The following CRACR2A variants were observed in gnomAD, a reference collection of about 807,000 sequenced individuals.
CRACR2A encodes the protein EF-hand calcium-binding domain-containing protein 4B.
A neutral mutation model predicts 90.5 loss-of-function variants in CRACR2A; 79 were observed. The ratio of observed to expected loss-of-function variants is 0.87; its 90% confidence interval spans 0.73 to 1.05. The LOEUF (loss-of-function observed/expected upper bound fraction) is 1.05, where lower values mean the gene tolerates loss of function less well. Ranked by LOEUF, CRACR2A falls within the 50% of genes least tolerant of loss-of-function variation. The probability of loss-of-function intolerance (pLI) is 0.00; values close to 1 mark genes in which losing one functional copy is unlikely to be tolerated. For missense variants in CRACR2A, 823 were observed against 897.2 expected, an observed-to-expected ratio of 0.92 and a Z score of 1.06; for synonymous variants, 338 against 356.7, an observed-to-expected ratio of 0.95 and a Z score of 0.59.
At chr12:3,684,297 G>GT (rs1945514577) in intron 4 of CRACR2A, among the ~76,000 whole-genome samples, 1 of 152,182 alleles carries the variant, frequency 6.6e-6, no homozygotes, top group African/African-American at 2.4e-5. Flanking sequence ...TAGGACGAGA[G>GT]TGGGAGGTGG....
intron 13 of CRACR2A, chr12:3,640,861 G>T: frequency 7.8e-7 from 1 of 1,284,266 alleles, no homozygotes. Context: ...CCAACCCTTG[G>T]GTACTCAAGC....
intron 8 of CRACR2A, among the ~76,000 whole-genome samples, chr12:3,656,893 G>C (rs575543308): frequency 2.8e-4 from 43 of 152,308 alleles, no homozygotes; most frequent in Admixed American, 2.3e-3. Flanking sequence ...GAAACACAGG[G>C]CCATTTCCTC....
intron 8 of CRACR2A, among the ~76,000 whole-genome samples, chr12:3,658,544 C>T (rs1944960034): frequency 6.6e-6 from 1 of 152,164 alleles, no homozygotes; most frequent in South Asian, 2.1e-4. Flanking sequence ...TGCTGACAAG[C>T]CTCCAGAGGG....
At chr12:3,663,016 C>T (rs866591381) in intron 7 of CRACR2A, among the ~76,000 whole-genome samples, 1 of 152,150 alleles carries the variant, frequency 6.6e-6, no homozygotes, top group African/African-American at 2.4e-5. Flanking sequence ...CCTCATGACC[C>T]CTTCTCTGAA....
At chr12:3,735,633 G>C in intron 1 of CRACR2A, among the ~76,000 whole-genome samples, 1 of 152,188 alleles carries the variant, frequency 6.6e-6, no homozygotes, top group East Asian at 1.9e-4. Context: ...CTGAGGCATG[G>C]AGAGGTTAAG....
chr12:3,721,641 G>A (rs1946178669), intron 2 of CRACR2A, among the ~76,000 whole-genome samples: 1 of 149,588 alleles, frequency 6.7e-6, no homozygotes, highest in Admixed American at 6.7e-5. Context: ...ATAGCTTATA[G>A]TCTAGTGGAG....
chr12:3,688,923 T>C (rs1218377223), intron 4 of CRACR2A, among the ~76,000 whole-genome samples: 1 of 152,238 alleles, frequency 6.6e-6, no homozygotes, highest in East Asian at 1.9e-4. Flanking sequence ...GCTGTATTCC[T>C]AGCTGTATTC....
intron 1 of CRACR2A, among the ~76,000 whole-genome samples, chr12:3,751,754 C>T (rs1322881727): frequency 9.4e-6 from 1 of 106,726 alleles, no homozygotes; most frequent in Admixed American, 8.0e-5. Context: ...TAGTATAGAA[C>T]CGAGAGGTGA....
At chr12:3,675,914 G>A (rs1052602928) in intron 6 of CRACR2A, among the ~76,000 whole-genome samples, 5 of 151,842 alleles carry the variant, frequency 3.3e-5, no homozygotes, top group African/African-American at 7.3e-5. Context: ...TGCTAGCAAC[G>A]CTCTTGGGAA....
At chr12:3,724,750 T>A (rs944337338) in intron 2 of CRACR2A, among the ~76,000 whole-genome samples, 3 of 152,120 alleles carry the variant, frequency 2.0e-5, no homozygotes, top group African/African-American at 7.2e-5. Flanking sequence ...GAACTGCTGG[T>A]GTTGGGGAGG....
intron 1 of CRACR2A, among the ~76,000 whole-genome samples, chr12:3,745,825 T>TAAAATAAAAG (rs149739964): frequency 5.0e-5 from 5 of 100,486 alleles, no homozygotes; most frequent in South Asian, 3.6e-4. Flanking sequence ...TAAAATAAAA[T>TAAAATAAAAG]AAAGAAAGAA....
At chr12:3,649,053 G>A (rs1944745204) in intron 10 of CRACR2A, among the ~76,000 whole-genome samples, 1 of 151,874 alleles carries the variant, frequency 6.6e-6, no homozygotes, top group South Asian at 2.1e-4. Flanking sequence ...ACACAGGAAG[G>A]GGAACATCAC....
At chr12:3,680,946 GAC>G (rs1491433966) in intron 4 of CRACR2A, among the ~76,000 whole-genome samples, 1 of 152,236 alleles carries the variant, frequency 6.6e-6, no homozygotes, top group Admixed American at 6.5e-5. Context: ...GAGAGAGAGA[GAC>G]TCATGGCCCA....
intron 6 of CRACR2A, 99 bp from the exon 7 acceptor site, chr12:3,673,691 G>A (rs897579833): frequency 2.6e-5 from 38 of 1,435,560 alleles, no homozygotes; most frequent in South Asian, 1.6e-4. Context: ...AAACAGTACC[G>A]TCAGAATCAT....
intron 2 of CRACR2A, chr12:3,727,560 G>C (rs1437240039): frequency 6.6e-6 from 1 of 152,158 alleles, no homozygotes; most frequent in Non-Finnish European, 1.5e-5. Flanking sequence ...ATTTGGAAAT[G>C]CTCTGATCTA....
intron 15 of CRACR2A, among the ~76,000 whole-genome samples, chr12:3,630,529 C>A (rs908159804): frequency 5.9e-5 from 9 of 152,154 alleles, no homozygotes; most frequent in Non-Finnish European, 1.3e-4. Context: ...GGAAGAAACA[C>A]CTTGGATTCT....
At chr12:3,752,150 C>T (rs1007288551) in intron 1 of CRACR2A, among the ~76,000 whole-genome samples, 1 of 152,216 alleles carries the variant, frequency 6.6e-6, no homozygotes, top group African/African-American at 2.4e-5. Context: ...CTCTTTCTGT[C>T]CTCTTGAGTC....
chr12:3,709,503 C>T (rs923152400), intron 3 of CRACR2A, among the ~76,000 whole-genome samples: 3 of 152,344 alleles, frequency 2.0e-5, no homozygotes, highest in South Asian at 2.1e-4. Context: ...TCTGGCTGGG[C>T]GCAGTGGCTC....
intron 13 of CRACR2A, among the ~76,000 whole-genome samples, chr12:3,639,393 C>A (rs1229393353): frequency 6.7e-6 from 1 of 148,460 alleles, no homozygotes; most frequent in Non-Finnish European, 1.5e-5. Flanking sequence ...GTTTTGAGAG[C>A]AAAGGCCTCA....
Sources: allele counts gnomAD v4.1 joint callset (sites outside exome capture counted in the v4.1 genomes callset), GRCh38; gene constraint gnomAD v4.1.1; transcripts MANE v1.5; gene names NCBI Gene and HGNC (gene_info 2026-07-23, HGNC 2026-07-21).